INSC: variants seen among roughly 807,000 people sequenced by gnomAD.
The protein encoded by INSC is INSC spindle orientation adaptor protein.
INSC carries 67 observed loss-of-function variants against 58.6 expected under a neutral mutation model. That is an observed-to-expected ratio of 1.14 (90% confidence interval 0.94 to 1.40). The LOEUF is 1.40. Ranked by LOEUF, INSC falls within the 40% of genes most tolerant of loss-of-function variation. The pLI is 0.00. For missense variants in INSC, 714 were observed against 692.0 expected (o/e 1.03, Z -0.36); for synonymous variants, 262 against 276.1 (o/e 0.95, Z 0.51).
chr11:15,233,284 T>C (rs1167798786), intron 9 of INSC, among the ~76,000 whole-genome samples: 1 of 152,112 alleles, frequency 6.6e-6, no homozygotes. Context: ...TTAGCCTGGG[T>C]TGGGGAAACT....
At chr11:15,243,131 T>G (rs769731346) in intron 12 of INSC, among the ~76,000 whole-genome samples, 16 of 152,182 alleles carry the variant, frequency 1.1e-4, no homozygotes, top group Non-Finnish European at 2.4e-4. Context: ...CAGACTTGCT[T>G]CCTCTTTTCC....
chr11:15,126,052 G>T (rs1264401926), intron 1 of INSC, among the ~76,000 whole-genome samples: 1 of 152,202 alleles, frequency 6.6e-6, no homozygotes. Flanking sequence ...GCTGGAAACA[G>T]GGTCTGGAGA....
intron 5 of INSC, among the ~76,000 whole-genome samples, chr11:15,182,238 T>C (rs1849806368): frequency 6.6e-6 from 1 of 152,166 alleles, no homozygotes; most frequent in African/African-American, 2.4e-5. Flanking sequence ...TCAGGCAACC[T>C]GTTGTCCCAG....
rs1208390075 is a variant in INSC at position 15,247,166 on chromosome 11, A to ATGAT, written c.*1128_*1131dup. The ATGAT allele has an allele frequency of 6.6e-6, 1 of 152,192 alleles. No individual in the cohort carries two copies. Among genetic ancestry groups the ATGAT allele is most frequent in the Non-Finnish European group, 1.5e-5 (1 of 68,040 alleles). 9.4% of individuals were successfully genotyped at this position (152,192 alleles called of 1,614,324 possible). ...CAATATAATATAATTGTGTAAAATCATGATTATAATAATGTTTCAATAAAC... is the reference window on the plus strand; with the variant it reads ...CAATATAATATAATTGTGTAAAATCATGATTGATTATAATAATGTTTCAATAAAC... On this transcript the variant is annotated 3_prime_UTR_variant, in exon 13 of 13. Transcript: ENST00000379556.
intron 5 of INSC, among the ~76,000 whole-genome samples, chr11:15,186,984 G>A (rs1229848320): frequency 6.6e-6 from 1 of 152,222 alleles, no homozygotes; most frequent in Non-Finnish European, 1.5e-5. Flanking sequence ...AACAACAGAT[G>A]TGGTATTCAG....
At chr11:15,148,292 G>T (rs568303602) in intron 1 of INSC, among the ~76,000 whole-genome samples, 3 of 152,322 alleles carry the variant, frequency 2.0e-5, no homozygotes, top group African/African-American at 7.2e-5. Context: ...CTAGAGCTGG[G>T]CCAGACTCCA....
intron 1 of INSC, among the ~76,000 whole-genome samples, chr11:15,131,320 G>A (rs1378863270): frequency 6.6e-6 from 1 of 151,402 alleles, no homozygotes; most frequent in East Asian, 1.9e-4. Flanking sequence ...AACTGTATGG[G>A]GTATTTATGT....
chr11:15,205,170 G>A (rs1215472906), intron 7 of INSC, among the ~76,000 whole-genome samples: 3 of 152,170 alleles, frequency 2.0e-5, no homozygotes, highest in Admixed American at 6.5e-5. Flanking sequence ...GAAGCCAGGG[G>A]TTCCAGGCTC....
chr11:15,158,869 T>A (rs939756429), intron 2 of INSC, among the ~76,000 whole-genome samples: 4 of 147,944 alleles, frequency 2.7e-5, no homozygotes, highest in African/African-American at 1.0e-4. Context: ...GGTTTTTTTT[T>A]TTTTTTTTTT....
At chr11:15,120,637 G>A (rs569352020) in intron 1 of INSC, among the ~76,000 whole-genome samples, 1 of 152,294 alleles carries the variant, frequency 6.6e-6, no homozygotes, top group East Asian at 1.9e-4. Context: ...CAGTAGTGTT[G>A]GGGATGAGAT....
At chr11:15,155,980 A>G (rs537590711) in intron 2 of INSC, among the ~76,000 whole-genome samples, 2 of 152,262 alleles carry the variant, frequency 1.3e-5, no homozygotes, top group South Asian at 4.1e-4. Flanking sequence ...TCCAAGTGGT[A>G]GGCTTTGGGG....
intron 5 of INSC, among the ~76,000 whole-genome samples, chr11:15,185,813 T>C (rs937281004): frequency 6.6e-6 from 1 of 152,262 alleles, no homozygotes; most frequent in Non-Finnish European, 1.5e-5. Context: ...TGTCAACATT[T>C]GCAATTTTCT....
chr11:15,249,702 T>C (rs1470686116), downstream of INSC, among the ~76,000 whole-genome samples: 1 of 152,172 alleles, frequency 6.6e-6, no homozygotes, highest in African/African-American at 2.4e-5. Context: ...TGGCCAGAAG[T>C]GTGCTCCAGG....
At chr11:15,259,947 C>T in the INSC span, among the ~76,000 whole-genome samples, 1 of 152,140 alleles carries the variant, frequency 6.6e-6, no homozygotes, top group Non-Finnish European at 1.5e-5. Context: ...TAGACTTGAA[C>T]CACCTCTCTG....
At chr11:15,142,144 C>A (rs1848386892) in intron 1 of INSC, among the ~76,000 whole-genome samples, 1 of 152,220 alleles carries the variant, frequency 6.6e-6, no homozygotes, top group Non-Finnish European at 1.5e-5. Context: ...GCTCTTGGCA[C>A]TGAATGCCCT....
intron 5 of INSC, among the ~76,000 whole-genome samples, chr11:15,187,662 G>A (rs377132671): frequency 7.9e-5 from 12 of 152,246 alleles, no homozygotes; most frequent in African/African-American, 2.4e-4. Context: ...AACTGCATGC[G>A]TCTCCTTAGC....
the INSC span, among the ~76,000 whole-genome samples, chr11:15,265,330 A>T: frequency 5.3e-5 from 8 of 152,100 alleles, no homozygotes; most frequent in Non-Finnish European, 1.2e-4. Flanking sequence ...GAATAAAGTC[A>T]TGCTATCTTC....
chr11:15,230,016 A>ATAT, intron 9 of INSC, among the ~76,000 whole-genome samples: 1 of 39,742 alleles, frequency 2.5e-5, no homozygotes, highest in African/African-American at 1.3e-4. Context: ...TATATATAAT[A>ATAT]TATATATATA....
chr11:15,112,342 G>T, upstream of INSC: 1 of 733,828 alleles, frequency 1.4e-6, no homozygotes, highest in Non-Finnish European at 2.2e-6. Flanking sequence ...GAACTGCCTT[G>T]GACAAGCTTT....
Sources: allele counts gnomAD v4.1 joint callset (sites outside exome capture counted in the v4.1 genomes callset), GRCh38; gene constraint gnomAD v4.1.1; transcripts MANE v1.5; gene names NCBI Gene and HGNC (gene_info 2026-07-23, HGNC 2026-07-21).